The following SYNPO2 variants were observed in gnomAD, a reference collection of about 807,000 sequenced individuals.
SYNPO2 encodes the protein synaptopodin 2.
A neutral mutation model predicts 85.0 loss-of-function variants in SYNPO2; 56 were observed. That is an observed-to-expected ratio of 0.66 (90% CI 0.53 to 0.82). The LOEUF is 0.82. Ranked by LOEUF, SYNPO2 falls within the 40% of genes least tolerant of loss-of-function variation. The pLI, the probability that SYNPO2 is intolerant of heterozygous loss-of-function variation, is 0.00. For synonymous variants in SYNPO2, 602 were observed against 591.1 expected, an observed-to-expected ratio of 1.02 and a Z score of -0.27; for missense variants, 1,575 against 1,534.2, an observed-to-expected ratio of 1.03 and a Z score of -0.44.
At chr4:118,877,860 T>C (rs1731957082) in intron 1 of SYNPO2, among the ~76,000 whole-genome samples, 1 of 152,188 alleles carries the variant, frequency 6.6e-6, no homozygotes, top group African/African-American at 2.4e-5. Flanking sequence ...ATTGGGTATA[T>C]ACCCAAAGGA....
At chr4:118,883,069 T>C (rs1028345371) in intron 1 of SYNPO2, among the ~76,000 whole-genome samples, 9 of 151,908 alleles carry the variant, frequency 5.9e-5, no homozygotes, top group African/African-American at 2.2e-4. Flanking sequence ...CCTGTTTTTT[T>C]TTTTTTTAAA....
chr4:118,860,236 A>AC (rs889900497), intron 1 of SYNPO2, among the ~76,000 whole-genome samples: 9 of 142,790 alleles, frequency 6.3e-5, no homozygotes, highest in Non-Finnish European at 1.2e-4. Context: ...TTTGTGCACA[A>AC]CCCCCCCGCC....
At chr4:118,934,729 A>G (rs1032332937) in intron 1 of SYNPO2, among the ~76,000 whole-genome samples, 1 of 152,232 alleles carries the variant, frequency 6.6e-6, no homozygotes, top group African/African-American at 2.4e-5. Context: ...CCAAATGCTT[A>G]CTGACTGATC....
chr4:118,946,271 T>C (rs188718568), intron 1 of SYNPO2, among the ~76,000 whole-genome samples: 2 of 152,264 alleles, frequency 1.3e-5, no homozygotes. Context: ...TACCGTAATG[T>C]ATATGGTTTT....
chr4:118,898,442 G>A (rs1732617993), intron 1 of SYNPO2, among the ~76,000 whole-genome samples: 1 of 152,170 alleles, frequency 6.6e-6, no homozygotes, highest in South Asian at 2.1e-4. Flanking sequence ...TAAATCACCT[G>A]TTATATCACT....
chr4:118,883,623 A>T (rs1371831486), intron 1 of SYNPO2, among the ~76,000 whole-genome samples: 3 of 152,248 alleles, frequency 2.0e-5, no homozygotes, highest in South Asian at 4.1e-4. Flanking sequence ...CATTTAACAT[A>T]GATTTAACAT....
intron 1 of SYNPO2, among the ~76,000 whole-genome samples, chr4:119,023,119 T>G (rs1349410728): frequency 6.6e-6 from 1 of 152,222 alleles, no homozygotes; most frequent in African/African-American, 2.4e-5. Flanking sequence ...CTTTAACATC[T>G]TTTTTCACTC....
chr4:118,938,399 G>T, intron 1 of SYNPO2, among the ~76,000 whole-genome samples: 1 of 151,980 alleles, frequency 6.6e-6, no homozygotes, highest in East Asian at 1.9e-4. Context: ...TTTTATTGTT[G>T]TTGGGTTTTT....
At chr4:118,942,778 G>A (rs1734359220) in intron 1 of SYNPO2, among the ~76,000 whole-genome samples, 1 of 152,064 alleles carries the variant, frequency 6.6e-6, no homozygotes, top group Non-Finnish European at 1.5e-5. Context: ...CAATACACAG[G>A]ACAGCTCCCC....
chr4:119,053,516 A>G (rs1018181639), intron 4 of SYNPO2, among the ~76,000 whole-genome samples: 19 of 152,164 alleles, frequency 1.2e-4, no homozygotes, highest in Non-Finnish European at 1.6e-4. Flanking sequence ...TACATTTGTC[A>G]TATGCATGTT....
At chr4:119,007,216 GTATATATATA>G (rs66895824) in intron 1 of SYNPO2, among the ~76,000 whole-genome samples, 149 of 46,226 alleles carry the variant, frequency 3.2e-3, no homozygotes, top group African/African-American at 5.2e-3. Context: ...AAGAACAAAG[GTATATATATA>G]TATATATATA....
At chr4:118,977,518 C>A (rs914970177) in intron 1 of SYNPO2, among the ~76,000 whole-genome samples, 14 of 152,264 alleles carry the variant, frequency 9.2e-5, no homozygotes, top group Admixed American at 8.5e-4. Flanking sequence ...GACTGAAGGG[C>A]TCCTCAAATG....
At chr4:118,886,968 C>T (rs1447992831), upstream of SYNPO2, among the ~76,000 whole-genome samples, 1 of 152,076 alleles carries the variant, frequency 6.6e-6, no homozygotes, top group Non-Finnish European at 1.5e-5. Context: ...TGAATAATGC[C>T]ATTTTATTCA....
chr4:118,962,542 G>A (rs946604223), intron 1 of SYNPO2, among the ~76,000 whole-genome samples: 3 of 152,088 alleles, frequency 2.0e-5, no homozygotes, highest in Non-Finnish European at 4.4e-5. Flanking sequence ...ATTATAAAGG[G>A]TTTTAGAATA....
intron 4 of SYNPO2, chr4:119,035,819 CAA>C (rs5861408): frequency 1.1e-5 from 10 of 935,464 alleles, no homozygotes; most frequent in African/African-American, 8.1e-5. Context: ...CTGAGATGTC[CAA>C]AAAAAAAAAA....
chr4:119,051,186 A>ATTT lies in SYNPO2; in HGVS notation c.3253-6196_3253-6194dup, dbSNP rs369864760. On this transcript the variant is annotated intron_variant, in intron 4 of 4. Coordinates refer to ENST00000307142, the MANE Select transcript of SYNPO2 (RefSeq NM_133477.3). ...CACTGGGGTAAAGCCATGGGAAGCA[A>ATTT]TTTTTTTTTTTTTTTTTTTTTGAGA... Among the ~76,000 whole-genome samples, 46 of 100,700 alleles carry ATTT rather than the reference A, an allele frequency of 4.6e-4. 5 individuals are homozygous for ATTT. Among genetic ancestry groups the ATTT allele is most frequent in the Middle Eastern group, 7.6e-3 (1 of 132 alleles). The allele number at this position is 100,700 out of a possible 152,430, so 66.1% of individuals were successfully genotyped here. A position where few individuals can be genotyped will look rare whatever the true frequency, so the allele number is the denominator to read the frequency against.
chr4:118,965,983 A>C (rs548072715), intron 1 of SYNPO2, among the ~76,000 whole-genome samples: 5 of 152,114 alleles, frequency 3.3e-5, no homozygotes, highest in African/African-American at 1.2e-4. Flanking sequence ...TGAGCCCAGG[A>C]GGTTGAAGTT....
intron 1 of SYNPO2, among the ~76,000 whole-genome samples, chr4:118,972,934 C>T (rs1317875330): frequency 3.3e-5 from 5 of 152,204 alleles, no homozygotes; most frequent in Non-Finnish European, 5.9e-5. Flanking sequence ...TGCTCACCTG[C>T]TTTTTCTCCC....
At chr4:118,909,402 G>A (rs1733057905) in intron 1 of SYNPO2, among the ~76,000 whole-genome samples, 1 of 152,156 alleles carries the variant, frequency 6.6e-6, no homozygotes, top group African/African-American at 2.4e-5. Flanking sequence ...GTGTGGGAGA[G>A]GGGAGAGCAT....
Sources: gnomAD v4.1 joint callset for allele counts (sites outside exome capture counted in the v4.1 genomes callset) on GRCh38, gnomAD v4.1.1 for gene constraint, MANE v1.5 for transcripts, NCBI Gene and HGNC (gene_info 2026-07-23, HGNC 2026-07-21) for gene names.